The following CD8B variants were observed in gnomAD, a reference collection of about 807,000 sequenced individuals.
CD8B encodes the protein CD8 subunit beta, also known as T-cell surface glycoprotein CD8 beta chain.
In CD8B, 6 loss-of-function variants were observed where a neutral mutation model predicts 24.2. The ratio of observed to expected loss-of-function variants is 0.25; its 90% CI spans 0.14 to 0.49. The LOEUF (loss-of-function observed/expected upper bound fraction) is 0.49. Among genes scored for constraint, CD8B ranks in the 20% least tolerant of loss-of-function variants. The pLI is 0.98. For synonymous variants in CD8B, 84 were observed against 108.3 expected, an observed-to-expected ratio of 0.78 and a Z score of 1.39; for missense variants, 196 against 271.3, an observed-to-expected ratio of 0.72 and a Z score of 1.95.
chr2:86,824,204 C>T (rs1013013599), intron 5 of CD8B, among the ~76,000 whole-genome samples: 12 of 152,080 alleles, frequency 7.9e-5, no homozygotes, highest in Admixed American at 2.0e-4. Context: ...AGGGCACAAC[C>T]TCTGCCACAC....
chr2:86,852,586 G>A (rs1250341588), intron 3 of CD8B, among the ~76,000 whole-genome samples: 5 of 151,874 alleles, frequency 3.3e-5, no homozygotes, highest in African/African-American at 1.2e-4. Flanking sequence ...GAATCATATA[G>A]TATATGGATT....
chr2:86,822,475 T>G, intron 5 of CD8B: 1 of 709,256 alleles, frequency 1.4e-6, no homozygotes, highest in Non-Finnish European at 2.4e-6. Flanking sequence ...ATGCATTCAA[T>G]ATAATTTTAG....
At chr2:86,847,047 C>T (rs910446780) in intron 3 of CD8B, among the ~76,000 whole-genome samples, 14 of 145,232 alleles carry the variant, frequency 9.6e-5, no homozygotes, top group African/African-American at 2.5e-4. Flanking sequence ...AAGGGATTCT[C>T]GTTCTTAGCC....
intron 1 of CD8B, among the ~76,000 whole-genome samples, chr2:86,860,201 C>T (rs1209932914): frequency 4.6e-5 from 7 of 152,278 alleles, no homozygotes; most frequent in South Asian, 2.1e-4. Flanking sequence ...ACCCGGGAGG[C>T]GGAGATTGCA....
intron 5 of CD8B, chr2:86,815,777 CTTA>C: frequency 1.1e-6 from 1 of 922,944 alleles, no homozygotes; most frequent in Non-Finnish European, 1.8e-6. Context: ...GTGTTGGTTA[CTTA>C]TTAAGTAATG....
chr2:86,831,325 C>A (rs567456259), intron 5 of CD8B, among the ~76,000 whole-genome samples: 2 of 152,148 alleles, frequency 1.3e-5, no homozygotes, highest in African/African-American at 2.4e-5. Context: ...CCTCGACCTC[C>A]CGAAATGCTA....
In CD8B at chr2:86,839,032, A is replaced by G. The variant is rs941642582; in HGVS notation, c.*3275T>C. Among the ~76,000 whole-genome samples, 6 of 152,184 alleles carry G rather than the reference A, an allele frequency of 3.9e-5. No homozygotes were observed. Among genetic ancestry groups the G allele is most frequent in the Admixed American group, 2.6e-4 (4 of 15,278 alleles). ...CCTTCAAACCTCATGCTCCCTCCTA[A>G]TGACCACCACTGGACCAAGGGTAAC... On this transcript the variant is annotated 3_prime_UTR_variant, in exon 6 of 6. Coordinates refer to ENST00000390655, the MANE Select transcript of CD8B (RefSeq NM_004931.5).
intron 2 of CD8B, among the ~76,000 whole-genome samples, chr2:86,855,271 G>GT (rs920529134): frequency 2.0e-5 from 3 of 152,198 alleles, no homozygotes; most frequent in African/African-American, 7.2e-5. Flanking sequence ...AACACGATCT[G>GT]TTTGTCTGCT....
chr2:86,827,035 G>A (rs1247435701), intron 5 of CD8B, among the ~76,000 whole-genome samples: 1 of 151,976 alleles, frequency 6.6e-6, no homozygotes, highest in Non-Finnish European at 1.5e-5. Context: ...TGGCCAGGCT[G>A]GTCTCCAACT....
chr2:86,826,877 A>G (rs1471587145), intron 5 of CD8B, among the ~76,000 whole-genome samples: 4 of 148,318 alleles, frequency 2.7e-5, no homozygotes, highest in Non-Finnish European at 4.4e-5. Context: ...GCTGGAGTGC[A>G]GTGGCATGAT....
At chr2:86,833,617 CT>C (rs1164151491), downstream of CD8B, among the ~76,000 whole-genome samples, 1 of 134,898 alleles carries the variant, frequency 7.4e-6, no homozygotes, top group African/African-American at 2.7e-5. Context: ...ATTTCTCCCT[CT>C]TTTTCCCTCC....
chr2:86,835,930 C>T (rs986878959), downstream of CD8B, among the ~76,000 whole-genome samples: 2 of 151,958 alleles, frequency 1.3e-5, no homozygotes, highest in African/African-American at 4.8e-5. Flanking sequence ...GAGCCTGTGT[C>T]CCCCCGGTCA....
At chr2:86,855,637 T>G (rs1298127211) in intron 2 of CD8B, among the ~76,000 whole-genome samples, 1 of 152,194 alleles carries the variant, frequency 6.6e-6, no homozygotes, top group African/African-American at 2.4e-5. Context: ...GGGCAACTAT[T>G]GTAAGAGGAA....
intron 1 of CD8B, 32 bp downstream of exon 1, chr2:86,861,791 A>AC: frequency 1.6e-6 from 2 of 1,258,668 alleles, no homozygotes; most frequent in Middle Eastern, 3.0e-4. Context: ...GGGAGCGCAG[A>AC]CCCTTGGGTA....
intron 3 of CD8B, among the ~76,000 whole-genome samples, chr2:86,848,152 C>T (rs1675777050): frequency 6.6e-6 from 1 of 152,192 alleles, no homozygotes; most frequent in Non-Finnish European, 1.5e-5. Flanking sequence ...ACGGGAACTA[C>T]TAAACCACAG....
chr2:86,818,882 T>C (rs542032966), intron 5 of CD8B, among the ~76,000 whole-genome samples: 11 of 152,304 alleles, frequency 7.2e-5, no homozygotes, highest in South Asian at 2.1e-4. Context: ...ATGAGCCAAG[T>C]TGAGAAGGTA....
chr2:86,860,691 A>T (rs890090651), intron 1 of CD8B, among the ~76,000 whole-genome samples: 1 of 151,870 alleles, frequency 6.6e-6, no homozygotes, highest in African/African-American at 2.4e-5. Context: ...CCTCTCCCTG[A>T]TGGTGGTTAT....
At chr2:86,855,129 G>A (rs1676170451) in intron 2 of CD8B, among the ~76,000 whole-genome samples, 2 of 151,318 alleles carry the variant, frequency 1.3e-5, no homozygotes, top group Admixed American at 1.3e-4. Context: ...AAAAAAAAAA[G>A]GTTTTGGGGG....
chr2:86,825,192 G>GT (rs980316697), intron 5 of CD8B, among the ~76,000 whole-genome samples: 1 of 152,190 alleles, frequency 6.6e-6, no homozygotes, highest in African/African-American at 2.4e-5. Context: ...GGGTGTCGGT[G>GT]TGGGGGGTGT....
Sources: gnomAD v4.1 joint callset for allele counts (sites outside exome capture counted in the v4.1 genomes callset) on GRCh38, gnomAD v4.1.1 for gene constraint, MANE v1.5 for transcripts, NCBI Gene and HGNC (gene_info 2026-07-23, HGNC 2026-07-21) for gene names.